The following PARP8 variants were observed in gnomAD, a reference collection of about 807,000 sequenced individuals.
The protein encoded by PARP8 is poly(ADP-ribose) polymerase family member 8, also known as protein mono-ADP-ribosyltransferase PARP8.
In PARP8, 51 loss-of-function variants were observed where a neutral mutation model predicts 124.1. The observed-to-expected ratio is 0.41, with a 90% CI of 0.33 to 0.52. The LOEUF (loss-of-function observed/expected upper bound fraction) is 0.52. PARP8 is among the 20% of genes least tolerant of loss of function. The probability of loss-of-function intolerance (pLI) is 0.21; values close to 1 mark genes in which losing one functional copy is unlikely to be tolerated. For missense variants in PARP8, 860 were observed against 1,018.9 expected, an observed-to-expected ratio of 0.84 and a Z score of 2.12; for synonymous variants, 391 against 361.5, an observed-to-expected ratio of 1.08 and a Z score of -0.93.
rs903087266 is a variant in PARP8, at chr5:50,778,497, GT to G, written c.580-53del. The G allele has an allele frequency of 4.0e-3, 4,763 of 1,204,874 alleles. 76 individuals are homozygous for G. In the African/African-American group the frequency reaches 0.051, roughly 13 times the overall value. The allele number at this position is 1,204,874 out of a possible 1,614,324, so 74.6% of individuals were successfully genotyped here. The stretch of plus-strand genomic sequence containing the variant: ...GAACACAAGTTTTAAAAGTTTGTGT[GT>G]TTTTTTTTTCATTTTGAACTCTAAA... On this transcript the variant is annotated intron_variant, in intron 8 of 25. Transcript: ENST00000281631.
chr5:50,741,460 A>G (rs1244527161), intron 2 of PARP8, among the ~76,000 whole-genome samples: 3 of 152,214 alleles, frequency 2.0e-5, no homozygotes, highest in East Asian at 1.9e-4. Context: ...GCTTGCATCA[A>G]TGTTACTAAT....
Position 50,666,809 on chromosome 5 carries a change from A to C in PARP8, c.-287A>C. The stretch of plus-strand genomic sequence containing the variant: ...GAGGGAGAAAGTGAGACTTGGTGTC[A>C]TCACCATCCATTGTCAGAAGGGGAG... On this transcript the variant is annotated 5_prime_UTR_variant, in exon 1 of 26. Coordinates refer to ENST00000281631, the MANE Select transcript of PARP8 (RefSeq NM_024615.4). 1 of 1,183,824 alleles carries C rather than the reference A, an allele frequency of 8.4e-7. No homozygotes were observed. Among genetic ancestry groups the C allele is most frequent in the South Asian group, 1.7e-5 (1 of 58,538 alleles). 73.3% of individuals were successfully genotyped at this position (1,183,824 alleles called of 1,614,324 possible).
At chr5:50,677,208 T>C (rs1280085437) in intron 2 of PARP8, among the ~76,000 whole-genome samples, 4 of 151,796 alleles carry the variant, frequency 2.6e-5, no homozygotes, top group Non-Finnish European at 4.4e-5. Context: ...AAGAGACTCG[T>C]AGATATTGAC....
At chr5:50,834,849 C>A (rs778509390) in intron 24 of PARP8, 82 bp from the exon 25 acceptor site, 1 of 1,197,572 alleles carries the variant, frequency 8.4e-7, no homozygotes, top group Non-Finnish European at 1.2e-6. Context: ...TAGATTTCAA[C>A]GAGAAGAGAT....
At chr5:50,796,933 T>C (rs763943770) in intron 12 of PARP8, 49 bp from the exon 13 acceptor site, 2 of 1,490,444 alleles carry the variant, frequency 1.3e-6, no homozygotes, top group East Asian at 2.5e-5. Flanking sequence ...AATTTATACA[T>C]TTTTACATTT....
intron 14 of PARP8, among the ~76,000 whole-genome samples, chr5:50,808,379 G>A (rs778771696): frequency 2.0e-5 from 3 of 152,008 alleles, no homozygotes; most frequent in Non-Finnish European, 2.9e-5. Flanking sequence ...AGAGGAAAAA[G>A]TTACGTATTA....
In PARP8 at chr5:50,764,258, G is replaced by A. The variant is rs145841550; in HGVS notation, c.518+1016G>A. ...GGTTGGGCAGTGCTTTTTCTTGTTCGTTTTGTTTTGGTTTGGTTTTTAATT... is the reference window on the plus strand; with the variant it reads ...GGTTGGGCAGTGCTTTTTCTTGTTCATTTTGTTTTGGTTTGGTTTTTAATT... On this transcript the variant is annotated intron_variant, in intron 7 of 25. Transcript: ENST00000281631. Among the ~76,000 whole-genome samples, 636 of 152,186 alleles carry A rather than the reference G, an allele frequency of 4.2e-3. 3 individuals are homozygous for A. Among genetic ancestry groups the A allele is most frequent in the African/African-American group, 0.015 (607 of 41,524 alleles).
chr5:50,820,399 G>C (rs1344356684), intron 15 of PARP8, among the ~76,000 whole-genome samples: 1 of 152,186 alleles, frequency 6.6e-6, no homozygotes, highest in African/African-American at 2.4e-5. Flanking sequence ...GGCAGTATCA[G>C]TTTTCTTTAT....
chr5:50,820,555 TCAAAG>T (rs1745645621), intron 15 of PARP8, among the ~76,000 whole-genome samples: 1 of 152,202 alleles, frequency 6.6e-6, no homozygotes, highest in Admixed American at 6.5e-5. Context: ...CTTTAGCCAA[TCAAAG>T]GTCATTAGTG....
At chr5:50,750,608 T>G (rs1191487609) in intron 3 of PARP8, among the ~76,000 whole-genome samples, 1 of 152,122 alleles carries the variant, frequency 6.6e-6, no homozygotes, top group Non-Finnish European at 1.5e-5. Context: ...AAATAGTAAT[T>G]AGTTCATAGT....
At chr5:50,738,143 CTAGGGCTTTCCAAATGTAGCTTTACA>C (rs1757664212) in intron 2 of PARP8, among the ~76,000 whole-genome samples, 1 of 152,102 alleles carries the variant, frequency 6.6e-6, no homozygotes, top group African/African-American at 2.4e-5. Flanking sequence ...GTGGATAGGA[CTAGGGCTTTCCAAATGTAGCTTTACA>C]TACATATAGT....
chr5:50,806,566 CA>C (rs1202651657), intron 14 of PARP8, among the ~76,000 whole-genome samples: 1 of 151,916 alleles, frequency 6.6e-6, no homozygotes, highest in African/African-American at 2.4e-5. Context: ...GGATGATTAT[CA>C]GATGGTTTAT....
chr5:50,788,625 TA>T, intron 10 of PARP8, 36 bp downstream of exon 10: 1 of 1,523,838 alleles, frequency 6.6e-7, no homozygotes, highest in South Asian at 1.1e-5. Context: ...AAATTTCTGC[TA>T]AAGAGAACTG....
chr5:50,709,900 G>C (rs1383812194), intron 2 of PARP8, among the ~76,000 whole-genome samples: 1 of 137,382 alleles, frequency 7.3e-6, no homozygotes, highest in African/African-American at 2.7e-5. Context: ...GAGAGACTAT[G>C]AGAATATGAG....
rs865882536 is a variant in PARP8, at chr5:50,747,148, T to G, written c.147-3003T>G. 1.3e-3 allele frequency among the ~76,000 whole-genome samples: 155 copies of G among 118,778 alleles called. 1 individual carries two copies. The highest frequency in any genetic ancestry group is 0.013 in the Middle Eastern group (3 of 234). 77.9% of individuals were successfully genotyped at this position (118,778 alleles called of 152,430 possible). On this transcript the variant is annotated intron_variant, in intron 2 of 25. Transcript: ENST00000281631. ...TCTACTTATTCAGTTATGGTTTTTT[T>G]TGTTTGTTTGTTTTGTTTTTTTTTT...
chr5:50,829,417 G>C (rs1277246825), intron 21 of PARP8, among the ~76,000 whole-genome samples: 1 of 152,096 alleles, frequency 6.6e-6, no homozygotes, highest in Non-Finnish European at 1.5e-5. Flanking sequence ...TAATAAGAAA[G>C]AAATTTAGTT....
intron 17 of PARP8, among the ~76,000 whole-genome samples, chr5:50,824,547 T>A (rs1746127488): frequency 6.6e-6 from 1 of 151,980 alleles, no homozygotes. Context: ...TTTGGCAAAG[T>A]GGGTTGGTAC....
chr5:50,747,163 G>GTTTT (rs1211253892), intron 2 of PARP8, among the ~76,000 whole-genome samples: 70 of 95,460 alleles, frequency 7.3e-4, no homozygotes, highest in East Asian at 9.6e-4. Context: ...TGTTTGTTTT[G>GTTTT]TTTTTTTTTT....
chr5:50,768,233 C>T (rs532443562), intron 7 of PARP8, among the ~76,000 whole-genome samples: 3 of 152,000 alleles, frequency 2.0e-5, no homozygotes, highest in East Asian at 1.9e-4. Flanking sequence ...GAGTGTCTCA[C>T]GAGTGAGGAT....
Sources: gnomAD v4.1 joint callset for allele counts (sites outside exome capture counted in the v4.1 genomes callset) on GRCh38, gnomAD v4.1.1 for gene constraint, MANE v1.5 for transcripts, NCBI Gene and HGNC (gene_info 2026-07-23, HGNC 2026-07-21) for gene names.